The following PDZD2 variants were observed in gnomAD, a reference collection of about 807,000 sequenced individuals.
PDZD2 encodes PDZ domain containing 2.
In PDZD2, 90 loss-of-function variants were observed where a neutral mutation model predicts 220.7. The observed-to-expected ratio is 0.41, with a 90% confidence interval of 0.34 to 0.49. The LOEUF (loss-of-function observed/expected upper bound fraction) is 0.49, where lower values mean the gene tolerates loss of function less well. PDZD2 is among the 20% of genes least tolerant of loss of function. The pLI is 0.28. For missense variants in PDZD2, 3,174 were observed against 3,608.5 expected (o/e 0.88, Z 3.08); for synonymous variants, 1,375 against 1,450.5 (o/e 0.95, Z 1.18).
At chr5:31,800,340 G>A (rs527824089) in intron 2 of PDZD2, among the ~76,000 whole-genome samples, 24 of 152,258 alleles carry the variant, frequency 1.6e-4, no homozygotes, top group Non-Finnish European at 3.5e-4. Context: ...TTGTGCAGAC[G>A]GTGCTCAGTT....
At chr5:31,643,167 T>C (rs1745012516) in intron 1 of PDZD2, among the ~76,000 whole-genome samples, 3 of 152,086 alleles carry the variant, frequency 2.0e-5, no homozygotes, top group Admixed American at 1.3e-4. Context: ...TTTCGAACAG[T>C]GTGTCCAGAA....
chr5:32,011,032 C>A (rs60095510), intron 6 of PDZD2, among the ~76,000 whole-genome samples: 4,939 of 128,636 alleles, frequency 0.038, 323 homozygotes, highest in African/African-American at 0.14. Flanking sequence ...ACAACAACAA[C>A]AACAACAACT....
At chr5:32,032,418 G>A (rs1156462321) in intron 6 of PDZD2, among the ~76,000 whole-genome samples, 4 of 152,114 alleles carry the variant, frequency 2.6e-5, no homozygotes, top group African/African-American at 4.8e-5. Context: ...CACTCTCTCG[G>A]TCGTTCCTTG....
chr5:31,644,590 T>C (rs1745068219), intron 1 of PDZD2, among the ~76,000 whole-genome samples: 1 of 152,154 alleles, frequency 6.6e-6, no homozygotes, highest in Non-Finnish European at 1.5e-5. Flanking sequence ...CCTCTCCAGC[T>C]CCAGGAAGAG....
chr5:31,659,791 A>G (rs1424977699), intron 1 of PDZD2, among the ~76,000 whole-genome samples: 1 of 152,152 alleles, frequency 6.6e-6, no homozygotes, highest in African/African-American at 2.4e-5. Context: ...ACTGGTGTGG[A>G]GTGCCTTGGG....
chr5:31,800,911 G>T (rs1193284699), intron 2 of PDZD2, among the ~76,000 whole-genome samples: 2 of 152,194 alleles, frequency 1.3e-5, no homozygotes, highest in African/African-American at 4.8e-5. Flanking sequence ...CACCCAAGGA[G>T]ACTCTGCAAG....
At chr5:31,924,621 A>G (rs946027905) in intron 2 of PDZD2, among the ~76,000 whole-genome samples, 2 of 152,108 alleles carry the variant, frequency 1.3e-5, no homozygotes, top group African/African-American at 4.8e-5. Context: ...CTTCCCAGCA[A>G]GTTTATGTGG....
intron 2 of PDZD2, among the ~76,000 whole-genome samples, chr5:31,922,843 C>T (rs372328284): frequency 2.6e-5 from 4 of 152,032 alleles, no homozygotes; most frequent in Non-Finnish European, 4.4e-5. Flanking sequence ...CAGGCCCAGC[C>T]GATTTTTGTA....
chr5:31,940,040 A>G (rs1194293697), intron 2 of PDZD2, among the ~76,000 whole-genome samples: 1 of 152,202 alleles, frequency 6.6e-6, no homozygotes, highest in East Asian at 1.9e-4. Context: ...TTTACATACA[A>G]GCTGTGCCCC....
In PDZD2 at chr5:32,025,293, A is replaced by C. The variant is rs551117991; in HGVS notation, c.1408-11938A>C. Among the ~76,000 whole-genome samples the C allele has an allele frequency of 3.5e-3, 529 of 152,160 alleles. 3 individuals are homozygous for C. Among genetic ancestry groups the C allele is most frequent in the Non-Finnish European group, 5.2e-3 (353 of 68,008 alleles). ...GTAATCCCAGCACTTTGGGAGGCTG[A>C]GGAGGGCGGATCACCTGAGGTCAGG... On this transcript the variant is annotated intron_variant, in intron 6 of 24. Coordinates refer to ENST00000438447, the MANE Select transcript of PDZD2 (RefSeq NM_178140.4).
rs200048882 is a variant in PDZD2 at position 31,799,440 on chromosome 5, C to A, written c.192C>A (p.Pro64=). 6.2e-7 allele frequency: 1 copy of A among 1,614,054 alleles called. No individual in the cohort carries two copies. Among genetic ancestry groups the A allele is most frequent in the Non-Finnish European group, 8.5e-7 (1 of 1,180,026 alleles). The change falls in exon 2 of 25, where the codon CCC becomes CCA. Residue 64 remains proline, a synonymous_variant. Transcript: ENST00000438447. ...ESTVPPDHSP[P]EMEICTVYLT... ...CGGTCCCACCTGATCACAGCCCCCCCGAAATGGAGATCTGTACTGTGTACC... is the reference window on the plus strand; with the variant it reads ...CGGTCCCACCTGATCACAGCCCCCCAGAAATGGAGATCTGTACTGTGTACC...
At chr5:31,887,144 G>A (rs1740581694) in intron 2 of PDZD2, among the ~76,000 whole-genome samples, 1 of 152,176 alleles carries the variant, frequency 6.6e-6, no homozygotes, top group Non-Finnish European at 1.5e-5. Flanking sequence ...ATTTCTGTAT[G>A]TTGACCAGTT....
intron 2 of PDZD2, among the ~76,000 whole-genome samples, chr5:31,874,912 T>A (rs1368363980): frequency 1.3e-5 from 2 of 152,212 alleles, no homozygotes; most frequent in Non-Finnish European, 2.9e-5. Flanking sequence ...AGAAGTCCCC[T>A]TTAACCCTGG....
At chr5:31,993,220 A>G (rs1212124012) in intron 3 of PDZD2, among the ~76,000 whole-genome samples, 1 of 152,196 alleles carries the variant, frequency 6.6e-6, no homozygotes, top group African/African-American at 2.4e-5. Context: ...ATTGGATGAA[A>G]TAGAGATCAT....
chr5:31,934,530 G>A (rs570511658), intron 2 of PDZD2, among the ~76,000 whole-genome samples: 2 of 151,188 alleles, frequency 1.3e-5, no homozygotes, highest in Admixed American at 6.6e-5. Flanking sequence ...TAGGGTATTG[G>A]GATGGCTAGA....
intron 2 of PDZD2, among the ~76,000 whole-genome samples, chr5:31,908,082 C>CAAAAAAAAAAAA (rs55741622): frequency 3.9e-5 from 3 of 76,894 alleles, no homozygotes; most frequent in East Asian, 6.2e-4. Flanking sequence ...GGCTCCGTCT[C>CAAAAAAAAAAAA]AAAAAAAAAA....
Position 31,908,025 on chromosome 5 carries a change from G to A in PDZD2, c.477-75130G>A, listed in dbSNP as rs545927546. 3.4e-4 allele frequency among the ~76,000 whole-genome samples: 46 copies of A among 134,910 alleles called. No individual in the cohort carries two copies. In the South Asian group the frequency reaches 0.011, roughly 32 times the overall value. The allele number at this position is 134,910 out of a possible 152,430, so 88.5% of individuals were successfully genotyped here. A position where few individuals can be genotyped will look rare whatever the true frequency, so the allele number is the denominator to read the frequency against. ...TTGAACCCGGGAGGCGGAGGCTTCAGTGAGCCGAGATCCTGCCATTGCACT... is the reference window on the plus strand; with the variant it reads ...TTGAACCCGGGAGGCGGAGGCTTCAATGAGCCGAGATCCTGCCATTGCACT... On this transcript the variant is annotated intron_variant, in intron 2 of 24. Transcript: ENST00000438447.
chr5:31,693,738 C>T (rs558155189), intron 1 of PDZD2, among the ~76,000 whole-genome samples: 1 of 152,090 alleles, frequency 6.6e-6, no homozygotes, highest in African/African-American at 2.4e-5. Flanking sequence ...CTCTCCAGTT[C>T]GCTGGCATAT....
At chr5:31,915,810 T>C (rs572774864) in intron 2 of PDZD2, among the ~76,000 whole-genome samples, 1 of 152,340 alleles carries the variant, frequency 6.6e-6, no homozygotes, top group East Asian at 1.9e-4. Flanking sequence ...CTGAGCCCAG[T>C]CTTGATTTCA....
Sources: allele counts gnomAD v4.1 joint callset (sites outside exome capture counted in the v4.1 genomes callset), GRCh38; gene constraint gnomAD v4.1.1; transcripts MANE v1.5; gene names NCBI Gene and HGNC (gene_info 2026-07-23, HGNC 2026-07-21).